The following ANKRD40 variants were observed in gnomAD, a reference collection of about 807,000 sequenced individuals.
The protein encoded by ANKRD40 is ankyrin repeat domain-containing protein 40.
A neutral mutation model predicts 35.5 loss-of-function variants in ANKRD40; 24 were observed. That is an observed-to-expected ratio of 0.68 (90% confidence interval 0.49 to 0.95). The LOEUF (loss-of-function observed/expected upper bound fraction) is 0.95, where lower values mean the gene tolerates loss of function less well. Ranked by LOEUF, ANKRD40 falls within the 40% of genes least tolerant of loss-of-function variation. The probability of loss-of-function intolerance (pLI) is 0.00; values close to 1 mark genes in which losing one functional copy is unlikely to be tolerated. For missense variants in ANKRD40, 361 were observed against 436.0 expected, an observed-to-expected ratio of 0.83 and a Z score of 1.53; for synonymous variants, 147 against 173.5, an observed-to-expected ratio of 0.85 and a Z score of 1.20.
Position 50,695,884 on chromosome 17 carries a change from C to A in ANKRD40, c.*113G>T. ...CAGAATGATGTTAGTATATACTATG[C>A]AGTGGCACCAGAGGCCCTCCCGGGC... On this transcript the variant is annotated 3_prime_UTR_variant, in exon 5 of 5. Transcript: ENST00000285243. 1 of 1,291,918 alleles carries A rather than the reference C, an allele frequency of 7.7e-7. No homozygotes were observed. Among genetic ancestry groups the A allele is most frequent in the African/African-American group, 1.5e-5 (1 of 67,520 alleles). The allele number at this position is 1,291,918 out of a possible 1,614,324, so 80.0% of individuals were successfully genotyped here.
rs1251966791 is a variant in ANKRD40, at chr17:50,707,386, A to G, written c.134+135T>C. The G allele has an allele frequency of 5.5e-5, 74 of 1,338,248 alleles. No homozygotes were observed. The highest frequency in any genetic ancestry group is 7.3e-5 in the Non-Finnish European group (72 of 992,236). 82.9% of individuals were successfully genotyped at this position (1,338,248 alleles called of 1,614,324 possible). A position where few individuals can be genotyped will look rare whatever the true frequency, so the allele number is the denominator to read the frequency against. On this transcript the variant is annotated intron_variant, in intron 1 of 4. Coordinates refer to ENST00000285243, the MANE Select transcript of ANKRD40 (RefSeq NM_052855.4). The surrounding 1 kb of genome is among the most constrained non-coding windows in gnomAD (Gnocchi z 4.8). ...TGGGGGCCAGGGCTGGCCTCAAGAG[A>G]GCACAATCTCGGAGGCCCGAGGTGG...
At position 50,699,597 on chromosome 17, in the gene ANKRD40, A is replaced by G. The variant is rs1285071963; in HGVS notation, c.580T>C (p.Ser194Pro). Residue 194 changes from serine (S) to proline (P), a missense_variant, in exon 3 of 5, where the codon TCT (serine) becomes CCT (proline). Coordinates refer to ENST00000285243, the MANE Select transcript of ANKRD40 (RefSeq NM_052855.4). Reference sequence around the variant, plus strand: ...CTTTCTGGTGTTCTGAGTATGGCAGAGGGGGCCGACACATCACCATTCTGA... The same window carrying G: ...CTTTCTGGTGTTCTGAGTATGGCAGGGGGGGCCGACACATCACCATTCTGA... ...LVQNGDVSAP[S>P]AILRTPESTK... 1 of 1,614,122 alleles carries G rather than the reference A, an allele frequency of 6.2e-7. No individual in the cohort carries two copies. Among genetic ancestry groups the G allele is most frequent in the Non-Finnish European group, 8.5e-7 (1 of 1,180,018 alleles).
In ANKRD40 at chr17:50,707,405, G is replaced by C. The variant is rs1968353383; in HGVS notation, c.134+116C>G. ...CAAGAGAGCACAATCTCGGAGGCCC[G>C]AGGTGGCAGGCCTCGCCGTAGCCAG... is the stretch of plus-strand genomic sequence containing the variant. On this transcript the variant is annotated intron_variant, in intron 1 of 4. Coordinates refer to ENST00000285243, the MANE Select transcript of ANKRD40 (RefSeq NM_052855.4). The surrounding 1 kb of genome is among the most constrained non-coding windows in gnomAD (Gnocchi z 4.8). 8.3e-6 allele frequency: 12 copies of C among 1,450,008 alleles called. No homozygotes were observed. The highest frequency in any genetic ancestry group is 1.0e-5 in the Non-Finnish European group (11 of 1,081,680). The allele number at this position is 1,450,008 out of a possible 1,614,324, so 89.8% of individuals were successfully genotyped here. A position where few individuals can be genotyped will look rare whatever the true frequency, so the allele number is the denominator to read the frequency against.
chr17:50,706,827 C>T (rs1418328426), intron 1 of ANKRD40, among the ~76,000 whole-genome samples: 1 of 130,048 alleles, frequency 7.7e-6, no homozygotes, highest in Non-Finnish European at 1.6e-5. Flanking sequence ...TCACCTGAGC[C>T]GGGGAGGTAG....
rs1448395378 is a variant in ANKRD40, at chr17:50,706,303, G to A, written c.134+1218C>T. The stretch of plus-strand genomic sequence containing the variant: ...CGCCCAGCTAATTTTTGTATTTTTA[G>A]TAGAGACGGGGTTTCATCATGTTGG... On this transcript the variant is annotated intron_variant, in intron 1 of 4. Transcript: ENST00000285243. Among the ~76,000 whole-genome samples the A allele has an allele frequency of 2.6e-5, 4 of 151,300 alleles. No individual in the cohort carries two copies. In the East Asian group the frequency reaches 7.8e-4, roughly 30 times the overall value.
At chr17:50,703,906 G>T (rs1246054163) in intron 1 of ANKRD40, among the ~76,000 whole-genome samples, 1 of 152,060 alleles carries the variant, frequency 6.6e-6, no homozygotes, top group Admixed American at 6.6e-5. Context: ...CTAGTAGGAG[G>T]CTATTGTAAT....
At chr17:50,696,469 G>C (rs1474261184) in intron 4 of ANKRD40, among the ~76,000 whole-genome samples, 1 of 152,212 alleles carries the variant, frequency 6.6e-6, no homozygotes, top group East Asian at 1.9e-4. Context: ...GACCACACAT[G>C]CATCTATGTG....
Position 50,696,155 on chromosome 17 carries a change from A to G in ANKRD40, c.961-12T>C, listed in dbSNP as rs1343145664. The stretch of plus-strand genomic sequence containing the variant: ...GCAACATCCTTGTCCTAAAACAAAA[A>G]TATGTTAAACAGATTAACAGGAGCC... On this transcript the variant is annotated splice_polypyrimidine_tract_variant and intron_variant, in intron 4 of 4. Coordinates refer to ENST00000285243, the MANE Select transcript of ANKRD40 (RefSeq NM_052855.4). 6.2e-7 allele frequency: 1 copy of G among 1,612,858 alleles called. No individual in the cohort carries two copies. Among genetic ancestry groups the G allele is most frequent in the South Asian group, 1.1e-5 (1 of 90,966 alleles).
intron 3 of ANKRD40, among the ~76,000 whole-genome samples, chr17:50,698,536 A>T (rs1314969850): frequency 1.3e-5 from 2 of 152,200 alleles, no homozygotes; most frequent in African/African-American, 4.8e-5. Context: ...CTTCAAAAAG[A>T]TCAAGATCAA....
At position 50,700,616 on chromosome 17, in the gene ANKRD40, T is replaced by C; in HGVS notation, c.235A>G (p.Met79Val). ...DKEILTTKGE[M>V]PVQLTSRREI... ...CTCCTTGATGTTAACTGGACTGGCA[T>C]TTCTCCTTTTGTGGTAAGAATTTCT... Residue 79 changes from methionine to valine, a missense_variant, in exon 2 of 5, where the codon ATG becomes GTG. Transcript: ENST00000285243. The C allele has an allele frequency of 6.2e-7, 1 of 1,614,160 alleles. No individual in the cohort carries two copies.
At chr17:50,696,907 A>C in intron 4 of ANKRD40, 33 bp downstream of exon 4, 2 of 1,549,322 alleles carry the variant, frequency 1.3e-6, no homozygotes, top group South Asian at 1.2e-5. Context: ...TTCAAATGCA[A>C]AAAGCAGCCA....
Position 50,693,597 on chromosome 17 carries a change from C to T in ANKRD40, c.*2400G>A, listed in dbSNP as rs996043516. ...CTTGCCTCTGTCGCTAAGCCCAGAA[C>T]ATGCCCTGCAGCTGCTCCTCTGGAG... On this transcript the variant is annotated 3_prime_UTR_variant, in exon 5 of 5. Transcript: ENST00000285243. 2 of 152,296 alleles carry T rather than the reference C, an allele frequency of 1.3e-5. No individual in the cohort carries two copies. The highest frequency in any genetic ancestry group is 2.9e-5 in the Non-Finnish European group (2 of 68,102). 9.4% of individuals were successfully genotyped at this position (152,296 alleles called of 1,614,324 possible). A position where few individuals can be genotyped will look rare whatever the true frequency, so the allele number is the denominator to read the frequency against.
Position 50,699,896 on chromosome 17 carries a change from TAAAA to T in ANKRD40, c.284-7_284-4del. 2 of 1,503,276 alleles carry T rather than the reference TAAAA, an allele frequency of 1.3e-6. No individual in the cohort carries two copies. The highest frequency in any genetic ancestry group is 1.8e-6 in the Non-Finnish European group (2 of 1,127,116). 93.1% of individuals were successfully genotyped at this position (1,503,276 alleles called of 1,614,324 possible). On this transcript the variant is annotated splice_polypyrimidine_tract_variant and splice_region_variant and intron_variant, in intron 2 of 4. Transcript: ENST00000285243. Reference sequence around the variant, plus strand: ...ATCATCATCATCTTCTTCTTCCACTTAAAAAGAAGAAAACAGAACATTTACACAG... The same window carrying T: ...ATCATCATCATCTTCTTCTTCCACTTAGAAGAAAACAGAACATTTACACAG...
rs2146655752 is a variant in ANKRD40 at position 50,697,152 on chromosome 17, A to T, written c.779-31T>A. On this transcript the variant is annotated intron_variant, in intron 3 of 4. Coordinates refer to ENST00000285243, the MANE Select transcript of ANKRD40 (RefSeq NM_052855.4). ...AAAAAAAGGAGAAATGTTAATGAAT[A>T]GTTCTGGCACAGCACAGCCCATGTT... 5 of 1,585,312 alleles carry T rather than the reference A, an allele frequency of 3.2e-6. No individual in the cohort carries two copies. The East Asian group carries it at 1.1e-4, about 35-fold the overall frequency.
Position 50,700,684 on chromosome 17 carries a change from T to C in ANKRD40, c.167A>G (p.His56Arg). The change falls in exon 2 of 5, where the codon CAT (histidine) becomes CGT (arginine). Residue 56 changes from histidine to arginine, a missense_variant. Physicochemically the swap from His to Arg is conservative, Grantham distance 29. Transcript: ENST00000285243. ...TAACAGGTAAGAGACCACCTGACCA[T>C]GGTTTCGTTTACATGCCCAGTGTAA... ...TCLHWACKRN[H>R]GQVVSYLLKS... 6.2e-7 allele frequency: 1 copy of C among 1,614,088 alleles called. No individual in the cohort carries two copies. Among genetic ancestry groups the C allele is most frequent in the Non-Finnish European group, 8.5e-7 (1 of 1,180,010 alleles).
rs1289765249 is a variant in ANKRD40 at position 50,694,234 on chromosome 17, GGTGA to G, written c.*1759_*1762del. 3 of 151,972 alleles carry G rather than the reference GGTGA, an allele frequency of 2.0e-5. No individual in the cohort carries two copies. Among genetic ancestry groups the G allele is most frequent in the Admixed American group, 6.6e-5 (1 of 15,248 alleles). The allele number at this position is 151,972 out of a possible 1,614,324, so 9.4% of individuals were successfully genotyped here. ...CTCTGCTATGCAAACACTGTACAAG[GGTGA>G]GTAAGTCACCAGCAGTAATTGGTGG... On this transcript the variant is annotated 3_prime_UTR_variant, in exon 5 of 5. Transcript: ENST00000285243.
Position 50,700,298 on chromosome 17 carries a change from C to G in ANKRD40, c.283+270G>C, listed in dbSNP as rs1031648179. ...GTCTCTACTAAAAATACAAAATTAG[C>G]GAGACGTGGTGGCACATGCCTGTAA... On this transcript the variant is annotated intron_variant, in intron 2 of 4. Coordinates refer to ENST00000285243, the MANE Select transcript of ANKRD40 (RefSeq NM_052855.4). 20 of 304,278 alleles carry G rather than the reference C, an allele frequency of 6.6e-5. No homozygotes were observed. In the South Asian group the frequency reaches 1.3e-3, roughly 20 times the overall value. 18.8% of individuals were successfully genotyped at this position (304,278 alleles called of 1,614,324 possible).
At chr17:50,696,643 T>C (rs752808965) in intron 4 of ANKRD40, 18 of 270,336 alleles carry the variant, frequency 6.7e-5, no homozygotes, top group Middle Eastern at 2.2e-3. Flanking sequence ...AATGCCAGTG[T>C]GGCTGGTCTG....
At position 50,705,629 on chromosome 17, in the gene ANKRD40, G is replaced by A. The variant is rs978631327; in HGVS notation, c.134+1892C>T. On this transcript the variant is annotated intron_variant, in intron 1 of 4. Coordinates refer to ENST00000285243, the MANE Select transcript of ANKRD40 (RefSeq NM_052855.4). ...CTCCCAAAGTGCTGGGATTACAGGC[G>A]TGAGCCACCAGGTCCTACCAGGAAG... Among the ~76,000 whole-genome samples the A allele has an allele frequency of 6.0e-5, 9 of 151,006 alleles. No individual in the cohort carries two copies. In the South Asian group the frequency reaches 6.3e-4, roughly 11 times the overall value.
Sources: allele counts gnomAD v4.1 joint callset (sites outside exome capture counted in the v4.1 genomes callset), GRCh38; gene constraint gnomAD v4.1.1; non-coding constraint Gnocchi (gnomAD v3.1); transcripts MANE v1.5; gene names NCBI Gene and HGNC (gene_info 2026-07-23, HGNC 2026-07-21).